ZBTB1: variants seen among roughly 807,000 people sequenced by gnomAD.
ZBTB1 encodes zinc finger and BTB domain containing 1, also known as zinc finger and BTB domain-containing protein 1.
In ZBTB1, 13 loss-of-function variants were observed where a neutral mutation model predicts 51.6. The observed-to-expected ratio is 0.25, with a 90% CI of 0.16 to 0.40. The LOEUF is 0.40. ZBTB1 is among the 10% of genes least tolerant of loss of function. ZBTB1 has a pLI of 1.00. For synonymous variants in ZBTB1, 240 were observed against 282.2 expected, an observed-to-expected ratio of 0.85 and a Z score of 1.50; for missense variants, 567 against 856.5, an observed-to-expected ratio of 0.66 and a Z score of 4.22.
chr14:64,515,566 G>A (rs1052276467), intron 1 of ZBTB1, among the ~76,000 whole-genome samples: 2 of 150,008 alleles, frequency 1.3e-5, no homozygotes, highest in African/African-American at 4.9e-5. Flanking sequence ...TGTCGCCCAG[G>A]CTGGAGTGCA....
upstream of ZBTB1, chr14:64,504,582 C>T (rs1177900044): frequency 4.3e-6 from 1 of 232,792 alleles, no homozygotes; most frequent in Non-Finnish European, 8.3e-6. Flanking sequence ...GACGCAGAAA[C>T]TTGTTGCAAC....
chr14:64,529,793 C>A (rs1184551219), downstream of ZBTB1, among the ~76,000 whole-genome samples: 2 of 151,816 alleles, frequency 1.3e-5, no homozygotes, highest in African/African-American at 2.4e-5. Context: ...CAAATAAATT[C>A]ATCATATCTT....
At position 64,523,723 on chromosome 14, in the gene ZBTB1, T is replaced by A; in HGVS notation, c.*77T>A. On this transcript the variant is annotated 3_prime_UTR_variant, in exon 2 of 2. Transcript: ENST00000683701. This position sits in a 1 kb window ranked among gnomAD's most constrained non-coding sequence, Gnocchi z 4.5. The stretch of plus-strand genomic sequence containing the variant: ...CAAAGGATATGAGCTATTTAGGAAT[T>A]GATTATATAAGATGATTTGTTAGAA... The A allele has an allele frequency of 7.0e-7, 1 of 1,429,368 alleles. No individual in the cohort carries two copies. Among genetic ancestry groups the A allele is most frequent in the South Asian group, 1.7e-5 (1 of 60,606 alleles). The allele number at this position is 1,429,368 out of a possible 1,614,324, so 88.5% of individuals were successfully genotyped here. A position where few individuals can be genotyped will look rare whatever the true frequency, so the allele number is the denominator to read the frequency against.
At chr14:64,528,469 A>T (rs1200423380), downstream of ZBTB1, among the ~76,000 whole-genome samples, 1 of 151,366 alleles carries the variant, frequency 6.6e-6, no homozygotes, top group Non-Finnish European at 1.5e-5. Context: ...CTCTCCAGAC[A>T]TCCTAGCATC....
At chr14:64,504,303 G>A (rs531020730), upstream of ZBTB1, among the ~76,000 whole-genome samples, 2 of 152,112 alleles carry the variant, frequency 1.3e-5, no homozygotes, top group East Asian at 3.9e-4. Context: ...CGACGGGGCA[G>A]GGCGAGGTTG....
In ZBTB1 at chr14:64,520,140, T is replaced by C. The variant is rs1780243971; in HGVS notation, c.-18-1347T>C. Among the ~76,000 whole-genome samples the C allele has an allele frequency of 2.0e-5, 3 of 152,088 alleles. No homozygotes were observed. In the South Asian group the frequency reaches 6.2e-4, roughly 32 times the overall value. ...CCTCAGCCTCCTGAGTAGCTGGGAA[T>C]ACAGGCGCCCACCACCACGCCTGGC... On this transcript the variant is annotated intron_variant, in intron 1 of 1. Coordinates refer to ENST00000683701, the MANE Select transcript of ZBTB1 (RefSeq NM_001123329.2).
At chr14:64,517,781 A>ATT (rs10590459) in intron 1 of ZBTB1, among the ~76,000 whole-genome samples, 24 of 41,556 alleles carry the variant, frequency 5.8e-4, no homozygotes, top group Non-Finnish European at 7.4e-4. Context: ...ATATATATAT[A>ATT]TTTTTTTTTT....
chr14:64,517,208 A>G (rs2079795918), intron 1 of ZBTB1, among the ~76,000 whole-genome samples: 1 of 152,200 alleles, frequency 6.6e-6, no homozygotes, highest in Admixed American at 6.5e-5. Context: ...TGCCTCTGTG[A>G]ATCCTCATAT....
chr14:64,531,079 T>C (rs1317653105), intron 2 of ZBTB1, among the ~76,000 whole-genome samples: 1 of 152,202 alleles, frequency 6.6e-6, no homozygotes, highest in East Asian at 1.9e-4. Flanking sequence ...TTATACAGCT[T>C]AAAAAGCCCC....
chr14:64,531,753 C>T (rs2079943418), intron 2 of ZBTB1: 3 of 1,314,342 alleles, frequency 2.3e-6, no homozygotes, highest in South Asian at 1.2e-5. Context: ...AGTGTGTTGG[C>T]CTAGTGCCAA....
intron 1 of ZBTB1, among the ~76,000 whole-genome samples, chr14:64,510,140 C>T (rs2079709739): frequency 6.6e-6 from 1 of 152,164 alleles, no homozygotes; most frequent in Non-Finnish European, 1.5e-5. Flanking sequence ...CTTAAAGTTG[C>T]TCACAATCTC....
Position 64,522,245 on chromosome 14 carries a change from A to T in ZBTB1, c.741A>T (p.Thr247=). 1 of 1,614,254 alleles carries T rather than the reference A, an allele frequency of 6.2e-7. No individual in the cohort carries two copies. The highest frequency in any genetic ancestry group is 8.5e-7 in the Non-Finnish European group (1 of 1,180,042). ...CTAACAGACATTTATACCAAAACACAAGATCTTACCATAGAATAGTAGATA... is the reference window on the plus strand; with the variant it reads ...CTAACAGACATTTATACCAAAACACTAGATCTTACCATAGAATAGTAGATA... The part of the protein sequence containing the change: ...TCTNRHLYQN[T]RSYHRIVDIR... Residue 247 remains threonine, a synonymous_variant, in exon 2 of 2, where the codon ACA becomes ACT. Transcript: ENST00000683701.
chr14:64,533,141 T>C (rs1252606209), exon 3 of ZBTB1: 1 of 152,148 alleles, frequency 6.6e-6, no homozygotes, highest in Non-Finnish European at 1.5e-5. Flanking sequence ...AACTTGAATA[T>C]TCATTCTAAT....
intron 1 of ZBTB1, chr14:64,511,185 C>T (rs547873000): frequency 2.0e-5 from 3 of 152,288 alleles, no homozygotes; most frequent in African/African-American, 7.2e-5. Context: ...ATATGAATGC[C>T]ATGTGCAATA....
In ZBTB1 at chr14:64,522,060, C is replaced by T; in HGVS notation, c.556C>T (p.Pro186Ser). Residue 186 changes from proline to serine, a missense_variant, in exon 2 of 2, where the codon CCT becomes TCT. Pro to Ser is a moderately conservative substitution (Grantham distance 74). This residue lies in a region of ZBTB1 where 26 missense variants were observed against 67.0 expected (regional missense o/e 0.39). Coordinates refer to ENST00000683701, the MANE Select transcript of ZBTB1 (RefSeq NM_001123329.2). The stretch of plus-strand genomic sequence containing the variant: ...AGAGTCTTTACAATTAGGTAATTTT[C>T]CTGAGCCACTATTTGATGTATGTAA... ...DEESLQLGNF[P>S]EPLFDVCKKS... 2 of 1,614,128 alleles carry T rather than the reference C, an allele frequency of 1.2e-6. No individual in the cohort carries two copies. Among genetic ancestry groups the T allele is most frequent in the Non-Finnish European group, 1.7e-6 (2 of 1,180,014 alleles).
chr14:64,531,876 T>C (rs2079944383), exon 3 of ZBTB1: 6 of 1,613,760 alleles, frequency 3.7e-6, no homozygotes, highest in Non-Finnish European at 5.1e-6. Context: ...AAATAGGGCC[T>C]TCTAAACCTG....
At chr14:64,519,459 TAA>T (rs113744354) in intron 1 of ZBTB1, among the ~76,000 whole-genome samples, 106 of 135,036 alleles carry the variant, frequency 7.8e-4, no homozygotes, top group Non-Finnish European at 1.2e-3. Flanking sequence ...TTTTAACAAT[TAA>T]AAAAAAAAAA....
chr14:64,509,819 A>T (rs1196254884), intron 1 of ZBTB1, among the ~76,000 whole-genome samples: 1 of 151,666 alleles, frequency 6.6e-6, no homozygotes, highest in East Asian at 1.9e-4. Flanking sequence ...AAAATACAAA[A>T]AAAAAAAATT....
downstream of ZBTB1, among the ~76,000 whole-genome samples, chr14:64,528,106 G>C (rs2079916916): frequency 2.0e-5 from 3 of 152,050 alleles, no homozygotes; most frequent in Admixed American, 2.0e-4. Context: ...CTCTAAGTCA[G>C]TAGTTAAGGA....
Sources: gnomAD v4.1 joint callset for allele counts (sites outside exome capture counted in the v4.1 genomes callset) on GRCh38, gnomAD v4.1.1 for gene constraint, gnomAD v4.1.1 regional missense constraint, Gnocchi (gnomAD v3.1) non-coding constraint, MANE v1.5 for transcripts, NCBI Gene and HGNC (gene_info 2026-07-23, HGNC 2026-07-21) for gene names.